SGK1: variants seen among roughly 807,000 people sequenced by gnomAD.
SGK1 encodes the protein serine/threonine-protein kinase Sgk1.
A neutral mutation model predicts 64.2 loss-of-function variants in SGK1; 26 were observed. The ratio of observed to expected loss-of-function variants is 0.40; its 90% CI spans 0.30 to 0.56. The LOEUF (loss-of-function observed/expected upper bound fraction) is 0.56, where lower values mean the gene tolerates loss of function less well. Ranked by LOEUF, SGK1 falls within the 20% of genes least tolerant of loss-of-function variation. The probability of loss-of-function intolerance (pLI) is 0.38; values close to 1 mark genes in which losing one functional copy is unlikely to be tolerated. For missense variants in SGK1, 519 were observed against 645.6 expected (o/e 0.80, Z 2.12); for synonymous variants, 265 against 239.7 (o/e 1.11, Z -0.98).
At chr6:134,216,430 C>T (rs1196974181) in intron 2 of SGK1, among the ~76,000 whole-genome samples, 1 of 152,092 alleles carries the variant, frequency 6.6e-6, no homozygotes, top group African/African-American at 2.4e-5. Context: ...AGGAAATGGC[C>T]CCTGGCTGGT....
chr6:134,171,529 T>C (rs1562236423), intron 11 of SGK1, 108 bp downstream of exon 11: 7 of 732,628 alleles, frequency 9.6e-6, no homozygotes, highest in South Asian at 1.7e-5. Flanking sequence ...TTAGCTGCTT[T>C]TGATAAGCGT....
At position 134,169,563 on chromosome 6, in the gene SGK1, T is replaced by C. The variant is rs1363093083; in HGVS notation, c.*705A>G. On this transcript the variant is annotated 3_prime_UTR_variant, in exon 14 of 14. Coordinates refer to ENST00000367858, the MANE Select transcript of SGK1 (RefSeq NM_001143676.3). ...ACGGCTCTGACTGACAACTGGGGCA[T>C]TGGTCCATAAAAACCCTTTCTAAAA... The C allele has an allele frequency of 6.6e-6, 1 of 152,608 alleles. No individual in the cohort carries two copies. Among genetic ancestry groups the C allele is most frequent in the Non-Finnish European group, 1.5e-5 (1 of 68,036 alleles). 9.5% of individuals were successfully genotyped at this position (152,608 alleles called of 1,614,324 possible).
chr6:134,265,643 T>C (rs964870713), intron 1 of SGK1, among the ~76,000 whole-genome samples: 3 of 146,828 alleles, frequency 2.0e-5, no homozygotes, highest in South Asian at 2.1e-4. Flanking sequence ...CATATATATA[T>C]ACACAGAAAC....
intron 2 of SGK1, among the ~76,000 whole-genome samples, chr6:134,243,958 AATATTCATTTATTTATTTTATTT>A (rs1303982440): frequency 1.3e-5 from 2 of 152,050 alleles, no homozygotes; most frequent in Non-Finnish European, 2.9e-5. Context: ...TTATTTTAAT[AATATTCATTTATTTATTTTATTT>A]ATTTTTAAAA....
chr6:134,203,207 C>T (rs1473924107), intron 3 of SGK1, among the ~76,000 whole-genome samples: 2 of 152,120 alleles, frequency 1.3e-5, no homozygotes, highest in East Asian at 1.9e-4. Context: ...TGTGCCACTG[C>T]ACCCCAGCCT....
At chr6:134,238,740 A>T (rs1631024) in intron 2 of SGK1, among the ~76,000 whole-genome samples, 130,428 of 151,990 alleles carry the variant, frequency 0.86, 56,305 homozygotes, top group East Asian at 1. Flanking sequence ...AGTAAAAACA[A>T]TTTTTTCCTA....
intron 2 of SGK1, among the ~76,000 whole-genome samples, chr6:134,229,865 CTT>C (rs927312586): frequency 3.3e-5 from 5 of 150,952 alleles, no homozygotes; most frequent in African/African-American, 1.2e-4. Flanking sequence ...AAGAAAACAT[CTT>C]TTTTTTTCCT....
intron 2 of SGK1, among the ~76,000 whole-genome samples, chr6:134,208,894 G>GTA (rs1392523716): frequency 2.9e-5 from 1 of 34,324 alleles, no homozygotes; most frequent in South Asian, 5.6e-3. Context: ...ATGTATGTGT[G>GTA]TGTATATATA....
intron 1 of SGK1, among the ~76,000 whole-genome samples, chr6:134,268,622 C>T (rs1380369092): frequency 7.0e-6 from 1 of 143,508 alleles, no homozygotes; most frequent in Non-Finnish European, 1.5e-5. Flanking sequence ...ACTCGGGAGG[C>T]TGAGGCAGGA....
At chr6:134,173,933 T>C in intron 5 of SGK1, 72 bp downstream of exon 5, 4 of 988,562 alleles carry the variant, frequency 4.0e-6, no homozygotes, top group Non-Finnish European at 6.2e-6. Context: ...GCTATTTTAA[T>C]CCATTAATGT....
chr6:134,244,294 A>C (rs1305285076), intron 2 of SGK1, among the ~76,000 whole-genome samples: 2 of 152,204 alleles, frequency 1.3e-5, no homozygotes, highest in Non-Finnish European at 2.9e-5. Flanking sequence ...CCTGCAAAGG[A>C]TAAGAACTCC....
At chr6:134,174,951 G>A (rs796988215) in intron 3 of SGK1, 1 of 1,425,598 alleles carries the variant, frequency 7.0e-7, no homozygotes, top group Non-Finnish European at 9.3e-7. Flanking sequence ...CCCGCCCTTC[G>A]CCTCGCCCCT....
At chr6:134,222,449 C>T (rs1463604473) in intron 2 of SGK1, among the ~76,000 whole-genome samples, 1 of 152,104 alleles carries the variant, frequency 6.6e-6, no homozygotes, top group African/African-American at 2.4e-5. Flanking sequence ...AATTCTCCTG[C>T]CTCAGCCTCC....
Position 134,173,037 on chromosome 6 carries a change from T to C in SGK1, c.820A>G (p.Ile274Val). The change falls in exon 8 of 14, where the codon ATT becomes GTT. Residue 274 changes from isoleucine (I) to valine (V), a missense_variant. Ile to Val is a conservative substitution (Grantham distance 29). Around this residue, in one of 2 missense-constraint regions of SGK1, gnomAD observed 278 missense variants for 408.7 expected, o/e 0.68. Transcript: ENST00000367858. ...ADKLYFVLDY[I>V]NGGELFYHLQ... ...CCCCTGCTCACCTCTCCACCATTAA[T>C]GTAGTCTAGGACAAAGTACAATTTG... 1.9e-6 allele frequency: 3 copies of C among 1,613,752 alleles called. No homozygotes were observed. Among genetic ancestry groups the C allele is most frequent in the East Asian group, 2.2e-5 (1 of 44,872 alleles).
chr6:134,245,651 T>G (rs532568511), intron 2 of SGK1, among the ~76,000 whole-genome samples: 1 of 152,312 alleles, frequency 6.6e-6, no homozygotes, highest in Admixed American at 6.5e-5. Flanking sequence ...CCCAGGATTT[T>G]GGGACCAGCC....
intron 1 of SGK1, chr6:134,283,226 C>T (rs1272688689): frequency 3.3e-5 from 5 of 151,856 alleles, no homozygotes; most frequent in African/African-American, 1.2e-4. Context: ...TGCGGTGGCT[C>T]ACACCTGTAA....
intron 2 of SGK1, among the ~76,000 whole-genome samples, chr6:134,253,433 T>C (rs1776635061): frequency 6.6e-6 from 1 of 151,970 alleles, no homozygotes; most frequent in Non-Finnish European, 1.5e-5. Context: ...CGCGCCCAGC[T>C]GAGCTCAGGA....
intron 2 of SGK1, among the ~76,000 whole-genome samples, chr6:134,227,943 C>CTTTTTTT (rs869082001): frequency 5.7e-5 from 4 of 69,730 alleles, no homozygotes; most frequent in Admixed American, 2.2e-4. Context: ...GGAATTCATT[C>CTTTTTTT]TTTTTTTTTT....
rs956689109 is a variant in SGK1 at position 134,251,879 on chromosome 6, C to G, written c.285+10054G>C. 4.6e-5 allele frequency among the ~76,000 whole-genome samples: 7 copies of G among 152,096 alleles called. No individual in the cohort carries two copies. In the East Asian group the frequency reaches 1.3e-3, roughly 29 times the overall value. On this transcript the variant is annotated intron_variant, in intron 2 of 13. Transcript: ENST00000367858. Reference sequence around the variant, plus strand: ...AAGCAATCCTTCCATCTCAGCCTCCCGAGTAGCTGGGACTACAGGTGGGTG... The same window carrying G: ...AAGCAATCCTTCCATCTCAGCCTCCGGAGTAGCTGGGACTACAGGTGGGTG...
Sources: allele counts gnomAD v4.1 joint callset (sites outside exome capture counted in the v4.1 genomes callset), GRCh38; gene constraint gnomAD v4.1.1; regional missense constraint gnomAD v4.1.1; transcripts MANE v1.5; gene names NCBI Gene and HGNC (gene_info 2026-07-23, HGNC 2026-07-21).